Variants in SND1 observed in about 807,000 individuals in gnomAD.
The protein encoded by SND1 is staphylococcal nuclease and tudor domain containing 1.
SND1 carries 38 observed loss-of-function variants against 121.7 expected under a neutral mutation model. The ratio of observed to expected loss-of-function variants is 0.31; its 90% CI spans 0.24 to 0.41. SND1 has a LOEUF of 0.41. Among genes scored for constraint, SND1 ranks in the 10% least tolerant of loss-of-function variants. SND1 has a pLI of 1.00. For missense variants in SND1, 868 were observed against 1,184.6 expected, an observed-to-expected ratio of 0.73 and a Z score of 3.92; for synonymous variants, 401 against 447.4, an observed-to-expected ratio of 0.90 and a Z score of 1.31.
intron 15 of SND1, among the ~76,000 whole-genome samples, chr7:127,931,604 A>G (rs951360182): frequency 6.6e-6 from 1 of 152,148 alleles, no homozygotes; most frequent in Non-Finnish European, 1.5e-5. Flanking sequence ...ACAGCCTTCT[A>G]CTGGAAGAAG....
At chr7:128,033,248 G>A (rs1792684509) in intron 16 of SND1, among the ~76,000 whole-genome samples, 1 of 152,208 alleles carries the variant, frequency 6.6e-6, no homozygotes, top group Non-Finnish European at 1.5e-5. Flanking sequence ...TGTAGGAGAA[G>A]GGGACTAGGT....
At chr7:127,657,480 T>G (rs1430080090) in intron 1 of SND1, among the ~76,000 whole-genome samples, 1 of 152,150 alleles carries the variant, frequency 6.6e-6, no homozygotes, top group African/African-American at 2.4e-5. Flanking sequence ...GTTTCCACCA[T>G]TGATGATTTA....
At chr7:127,804,878 A>G (rs1310789648) in intron 10 of SND1, among the ~76,000 whole-genome samples, 1 of 152,188 alleles carries the variant, frequency 6.6e-6, no homozygotes, top group East Asian at 1.9e-4. Flanking sequence ...TCACAGAGCT[A>G]CCCTCAGAAA....
At chr7:127,794,424 A>G (rs771973995) in intron 10 of SND1, among the ~76,000 whole-genome samples, 27 of 152,256 alleles carry the variant, frequency 1.8e-4, no homozygotes, top group Non-Finnish European at 3.8e-4. Flanking sequence ...CACCAGCTAA[A>G]TAATGGTGTC....
chr7:127,894,725 C>T (rs1276166340), intron 13 of SND1, among the ~76,000 whole-genome samples: 1 of 151,782 alleles, frequency 6.6e-6, no homozygotes, highest in East Asian at 1.9e-4. Context: ...TCCAAGAAAG[C>T]ATATCTTTCC....
intron 15 of SND1, among the ~76,000 whole-genome samples, chr7:127,975,655 GC>G (rs1441349310): frequency 1.3e-5 from 2 of 152,186 alleles, no homozygotes; most frequent in Non-Finnish European, 2.9e-5. Flanking sequence ...ACCAAAGTCG[GC>G]AGGATGGACA....
intron 12 of SND1, among the ~76,000 whole-genome samples, chr7:127,860,890 C>T (rs1799365452): frequency 6.6e-6 from 1 of 152,086 alleles, no homozygotes; most frequent in Admixed American, 6.6e-5. Context: ...AAGACTGAAG[C>T]CCAAAATTAA....
rs35128808 is a variant in SND1 at position 128,088,279 on chromosome 7, T to TA, written c.2419-1187dup. 7.5e-3 allele frequency among the ~76,000 whole-genome samples: 781 copies of TA among 104,324 alleles called. 8 individuals are homozygous for TA. Among genetic ancestry groups the TA allele is most frequent in the Middle Eastern group, 0.024 (5 of 210 alleles). The allele number at this position is 104,324 out of a possible 152,430, so 68.4% of individuals were successfully genotyped here. On this transcript the variant is annotated intron_variant, in intron 21 of 23. Transcript: ENST00000354725. ...GGGCAACATAGCAAGACCCTGTCTC[T>TA]AAAAAAAAAAAAAAAAAAAAAAATA...
intron 1 of SND1, among the ~76,000 whole-genome samples, chr7:127,675,468 A>T (rs999399456): frequency 1.3e-5 from 2 of 152,168 alleles, no homozygotes. Context: ...AATAATATGT[A>T]GTAGTTAATC....
intron 16 of SND1, among the ~76,000 whole-genome samples, chr7:128,034,388 C>T (rs1385581175): frequency 6.6e-6 from 1 of 152,180 alleles, no homozygotes; most frequent in Non-Finnish European, 1.5e-5. Flanking sequence ...AGAGGTTCTG[C>T]TCCTTTATAG....
At position 127,652,423 on chromosome 7, in the gene SND1, C is replaced by A; in HGVS notation, c.50C>A (p.Pro17His). ...GGCTCCTCCGGGGGACCCGCGGTCC[C>A]CACCGTGCAGCGGGGCATCATCAAG... ...SGGSSGGPAV[P>H]TVQRGIIKMV... The change falls in exon 1 of 24, where the codon CCC becomes CAC. Residue 17 changes from proline to histidine, a missense_variant. Around this residue, in one of 2 missense-constraint regions of SND1, gnomAD observed 125 missense variants for 113.3 expected, o/e 1.10. Transcript: ENST00000354725. 1 of 1,590,466 alleles carries A rather than the reference C, an allele frequency of 6.3e-7. No homozygotes were observed. Among genetic ancestry groups the A allele is most frequent in the Non-Finnish European group, 8.6e-7 (1 of 1,169,148 alleles).
chr7:128,033,334 C>T (rs1008240591), intron 16 of SND1, among the ~76,000 whole-genome samples: 2 of 152,204 alleles, frequency 1.3e-5, no homozygotes, highest in African/African-American at 4.8e-5. Flanking sequence ...TAGCTGAGCC[C>T]TGGGAAGCCG....
At chr7:127,688,548 C>CAA (rs56962684) in intron 2 of SND1, among the ~76,000 whole-genome samples, 19 of 71,162 alleles carry the variant, frequency 2.7e-4, no homozygotes, top group African/African-American at 5.9e-4. Context: ...GATCCCATCT[C>CAA]AAAAAAAAAA....
In SND1 at chr7:127,805,012, A is replaced by G. The variant is rs148940627; in HGVS notation, c.1153-2472A>G. On this transcript the variant is annotated intron_variant, in intron 10 of 23. Coordinates refer to ENST00000354725, the MANE Select transcript of SND1 (RefSeq NM_014390.4). ...ATCCTGTTTATTACCGGCACCTGGT[A>G]TCTTCTGTCTGGCAAGCATTCTTAC... is the stretch of plus-strand genomic sequence containing the variant. Among the ~76,000 whole-genome samples the G allele has an allele frequency of 1.4e-4, 21 of 152,210 alleles. 1 individual carries two copies. In the East Asian group the frequency reaches 2.7e-3, roughly 20 times the overall value.
At position 127,652,274 on chromosome 7, in the gene SND1, G is replaced by A; in HGVS notation, c.-100G>A. 1 of 999,916 alleles carries A rather than the reference G, an allele frequency of 1.0e-6. No individual in the cohort carries two copies. The highest frequency in any genetic ancestry group is 1.6e-6 in the Non-Finnish European group (1 of 644,434). The allele number at this position is 999,916 out of a possible 1,614,324, so 61.9% of individuals were successfully genotyped here. A position where few individuals can be genotyped will look rare whatever the true frequency, so the allele number is the denominator to read the frequency against. The stretch of plus-strand genomic sequence containing the variant: ...GTCCACCGTCCGCAGCTGGTAGCCA[G>A]CCTGCCCCTCGCCTCGACTCCCTTT... On this transcript the variant is annotated 5_prime_UTR_variant, in exon 1 of 24. Transcript: ENST00000354725.
At chr7:127,830,095 CTTGG>C (rs1176640844) in intron 11 of SND1, among the ~76,000 whole-genome samples, 2 of 152,056 alleles carry the variant, frequency 1.3e-5, no homozygotes, top group Non-Finnish European at 2.9e-5. Context: ...TCAAGAAGGC[CTTGG>C]TGGCCGGGTG....
chr7:127,682,087 A>G (rs148782829), intron 1 of SND1, among the ~76,000 whole-genome samples: 1,991 of 152,288 alleles, frequency 0.013, 28 homozygotes, highest in South Asian at 0.049. Flanking sequence ...GGGTTTTTGT[A>G]TAAGAAGTTT....
intron 10 of SND1, among the ~76,000 whole-genome samples, chr7:127,775,387 C>T (rs1797598975): frequency 6.7e-6 from 1 of 149,798 alleles, no homozygotes; most frequent in South Asian, 2.1e-4. Context: ...ATGACTTTCC[C>T]TTTTATAATA....
At chr7:127,935,935 C>A (rs889234009) in intron 15 of SND1, among the ~76,000 whole-genome samples, 1 of 151,768 alleles carries the variant, frequency 6.6e-6, no homozygotes, top group Admixed American at 6.6e-5. Context: ...TGGACACTTT[C>A]CATTTTTATG....
Sources: allele counts gnomAD v4.1 joint callset (sites outside exome capture counted in the v4.1 genomes callset), GRCh38; gene constraint gnomAD v4.1.1; regional missense constraint gnomAD v4.1.1; transcripts MANE v1.5; gene names NCBI Gene and HGNC (gene_info 2026-07-23, HGNC 2026-07-21).